GNAT3: variants seen among roughly 807,000 people sequenced by gnomAD.
The protein encoded by GNAT3 is G protein subunit alpha transducin 3, also known as guanine nucleotide-binding protein G(t) subunit alpha-3.
A neutral mutation model predicts 37.7 loss-of-function variants in GNAT3; 31 were observed. The observed-to-expected ratio is 0.82, with a 90% CI of 0.62 to 1.11. The LOEUF is 1.11. Ranked by LOEUF, GNAT3 falls within the 50% of genes most tolerant of loss-of-function variation. The probability of loss-of-function intolerance (pLI) is 0.00; values close to 1 mark genes in which losing one functional copy is unlikely to be tolerated. For missense variants in GNAT3, 437 were observed against 412.5 expected, an observed-to-expected ratio of 1.06 and a Z score of -0.51; for synonymous variants, 138 against 139.8, an observed-to-expected ratio of 0.99 and a Z score of 0.09.
chr7:80,483,149 T>A (rs73369032), intron 3 of GNAT3, among the ~76,000 whole-genome samples: 1 of 152,040 alleles, frequency 6.6e-6, no homozygotes. Flanking sequence ...ATCAGCATCC[T>A]TGCATGTCAG....
chr7:80,465,192 G>A (rs971020734), intron 5 of GNAT3, among the ~76,000 whole-genome samples: 4 of 151,994 alleles, frequency 2.6e-5, no homozygotes, highest in East Asian at 1.9e-4. Flanking sequence ...TTCAGACTTC[G>A]TAAACTGGAG....
chr7:80,497,681 TAC>T (rs534481565), intron 1 of GNAT3, among the ~76,000 whole-genome samples: 2 of 150,120 alleles, frequency 1.3e-5, no homozygotes, highest in Admixed American at 1.3e-4. Context: ...CATACATATA[TAC>T]ACACACACTG....
intron 4 of GNAT3, among the ~76,000 whole-genome samples, chr7:80,476,118 A>G (rs758328106): frequency 2.0e-5 from 3 of 152,034 alleles, no homozygotes; most frequent in African/African-American, 4.8e-5. Flanking sequence ...ACCTACCAAA[A>G]TAAAGATTAA....
intron 1 of GNAT3, among the ~76,000 whole-genome samples, chr7:80,501,250 A>T (rs951480565): frequency 2.6e-5 from 4 of 152,016 alleles, no homozygotes; most frequent in African/African-American, 9.7e-5. Context: ...ATATAGTGTT[A>T]TGGAAGCCCG....
chr7:80,467,096 A>G (rs886572376), intron 5 of GNAT3, among the ~76,000 whole-genome samples: 1 of 152,186 alleles, frequency 6.6e-6, no homozygotes, highest in Non-Finnish European at 1.5e-5. Flanking sequence ...ACTCACAATT[A>G]GTAAAGGATA....
At chr7:80,469,858 A>T in intron 5 of GNAT3, among the ~76,000 whole-genome samples, 1 of 152,208 alleles carries the variant, frequency 6.6e-6, no homozygotes, top group East Asian at 1.9e-4. Context: ...AGCACTTGAA[A>T]TAAAAGCTAT....
intron 1 of GNAT3, among the ~76,000 whole-genome samples, chr7:80,503,605 T>C (rs1790876981): frequency 6.6e-6 from 1 of 152,212 alleles, no homozygotes; most frequent in Admixed American, 6.5e-5. Context: ...CATTGACTTT[T>C]GGACAATGGA....
chr7:80,474,252 T>G lies in GNAT3; in HGVS notation c.589A>C (p.Arg197=). The change falls in exon 5 of 8, where the codon AGG becomes CGG. Residue 197 remains arginine, a splice_region_variant and synonymous_variant. Transcript: ENST00000398291. ...TQFSFKDLHF[R]MFDVGGQRSE... ...GTTAGAAAAGATATTTGATCATACC[T>G]GAAGTGCAAGTCTTTAAAGGAGAAT... 6.2e-7 allele frequency: 1 copy of G among 1,604,168 alleles called. No individual in the cohort carries two copies.
intron 2 of GNAT3, among the ~76,000 whole-genome samples, 168 bp from the exon 3 acceptor site, chr7:80,488,844 T>G (rs549891152): frequency 6.6e-6 from 1 of 152,276 alleles, no homozygotes; most frequent in East Asian, 1.9e-4. Flanking sequence ...GGACTTTTAT[T>G]ATCATTGTCA....
intron 5 of GNAT3, among the ~76,000 whole-genome samples, chr7:80,472,733 G>C (rs1274915764): frequency 1.3e-5 from 2 of 152,110 alleles, no homozygotes; most frequent in African/African-American, 4.8e-5. Flanking sequence ...AGTTCTACTG[G>C]CTTATGAAAG....
chr7:80,496,851 T>A (rs1373631820), intron 1 of GNAT3, among the ~76,000 whole-genome samples: 1 of 152,164 alleles, frequency 6.6e-6, no homozygotes, highest in African/African-American at 2.4e-5. Flanking sequence ...AGGACAACTT[T>A]TCTTTTTTTT....
chr7:80,469,031 T>C (rs1790167146), intron 5 of GNAT3, among the ~76,000 whole-genome samples: 1 of 152,078 alleles, frequency 6.6e-6, no homozygotes, highest in African/African-American at 2.4e-5. Context: ...TATTGCTCTA[T>C]GAGATCTTAT....
At chr7:80,466,363 T>C (rs183742098) in intron 5 of GNAT3, among the ~76,000 whole-genome samples, 2 of 152,264 alleles carry the variant, frequency 1.3e-5, no homozygotes, top group East Asian at 3.9e-4. Context: ...ATATTTGTAT[T>C]CTTTTAGTCA....
chr7:80,481,516 C>A lies in GNAT3; in HGVS notation c.304-2518G>T, dbSNP rs548456779. Among the ~76,000 whole-genome samples the A allele has an allele frequency of 1.1e-4, 16 of 152,162 alleles. No homozygotes were observed. The South Asian group carries it at 3.3e-3, about 32-fold the overall frequency. On this transcript the variant is annotated intron_variant, in intron 3 of 7. Transcript: ENST00000398291. The stretch of plus-strand genomic sequence containing the variant: ...AAGATTCCAAATTCCAAACTGACTC[C>A]AGTATAGAGCAGGCCCTGAAAGAAA...
intron 5 of GNAT3, among the ~76,000 whole-genome samples, chr7:80,468,056 T>G (rs1790154384): frequency 6.6e-6 from 1 of 152,034 alleles, no homozygotes; most frequent in Non-Finnish European, 1.5e-5. Flanking sequence ...AGCTAAAAAT[T>G]GACAGGCCAG....
At position 80,506,865 on chromosome 7, in the gene GNAT3, T is replaced by C. The variant is rs373651568; in HGVS notation, c.118+4944A>G. 2.0e-5 allele frequency among the ~76,000 whole-genome samples: 3 copies of C among 152,158 alleles called. No individual in the cohort carries two copies. The East Asian group carries it at 5.8e-4, about 29-fold the overall frequency. On this transcript the variant is annotated intron_variant, in intron 1 of 7. Coordinates refer to ENST00000398291, the MANE Select transcript of GNAT3 (RefSeq NM_001102386.3). ...TAACATGCATTACCTTGCGTAGTTA[T>C]TTTTGTGGTGAGAACACTTATCCAC...
chr7:80,490,649 G>T (rs1790574087), intron 2 of GNAT3, among the ~76,000 whole-genome samples: 1 of 152,176 alleles, frequency 6.6e-6, no homozygotes, highest in Non-Finnish European at 1.5e-5. Context: ...TGTTCAATAT[G>T]TGCCAAGCAC....
At chr7:80,476,502 C>A (rs1423168241) in intron 4 of GNAT3, among the ~76,000 whole-genome samples, 1 of 149,696 alleles carries the variant, frequency 6.7e-6, no homozygotes, top group Non-Finnish European at 1.5e-5. Context: ...CCCTGCCATA[C>A]CCCTCTTCTT....
chr7:80,497,549 T>C (rs1436245106), intron 1 of GNAT3, among the ~76,000 whole-genome samples: 1 of 141,754 alleles, frequency 7.1e-6, no homozygotes, highest in Admixed American at 7.0e-5. Context: ...TATACACATA[T>C]ACGTATATAC....
Sources: gnomAD v4.1 joint callset for allele counts (sites outside exome capture counted in the v4.1 genomes callset) on GRCh38, gnomAD v4.1.1 for gene constraint, MANE v1.5 for transcripts, NCBI Gene and HGNC (gene_info 2026-07-23, HGNC 2026-07-21) for gene names.